The following TRPM3 variants were observed in gnomAD, a reference collection of about 807,000 sequenced individuals.
The protein encoded by TRPM3 is long transient receptor potential channel 3.
In TRPM3, 77 loss-of-function variants were observed where a neutral mutation model predicts 181.2. That is an observed-to-expected ratio of 0.42 (90% CI 0.35 to 0.51). TRPM3 has a LOEUF of 0.51. Ranked by LOEUF, TRPM3 falls within the 20% of genes least tolerant of loss-of-function variation. The pLI, the probability that TRPM3 is intolerant of heterozygous loss-of-function variation, is 0.01. For synonymous variants in TRPM3, 745 were observed against 796.4 expected, an observed-to-expected ratio of 0.94 and a Z score of 1.09; for missense variants, 1,759 against 2,196.7, an observed-to-expected ratio of 0.80 and a Z score of 3.98.
intron 1 of TRPM3, among the ~76,000 whole-genome samples, chr9:71,254,230 T>C (rs2082533667): frequency 6.6e-6 from 1 of 152,208 alleles, no homozygotes; most frequent in South Asian, 2.1e-4. Flanking sequence ...ATAACATTAT[T>C]TTAAGTGAGA....
At chr9:71,053,359 G>T (rs1368412429) in intron 1 of TRPM3, among the ~76,000 whole-genome samples, 1 of 152,036 alleles carries the variant, frequency 6.6e-6, no homozygotes, top group Non-Finnish European at 1.5e-5. Context: ...TGCCTCTTGT[G>T]TTATTTCAGC....
At chr9:70,944,310 A>G (rs115199855) in intron 1 of TRPM3, among the ~76,000 whole-genome samples, 3,265 of 152,198 alleles carry the variant, frequency 0.021, 115 homozygotes, top group African/African-American at 0.075. Flanking sequence ...ACAAGCTCCA[A>G]TGAGAAACAG....
chr9:71,317,629 AGAC>A (rs1001113554), intron 1 of TRPM3, among the ~76,000 whole-genome samples: 1 of 149,626 alleles, frequency 6.7e-6, no homozygotes, highest in African/African-American at 2.4e-5. Context: ...TGACAGAGCA[AGAC>A]CCTCTCTCAA....
chr9:71,322,231 G>A (rs2089291880), intron 1 of TRPM3, among the ~76,000 whole-genome samples: 1 of 152,014 alleles, frequency 6.6e-6, no homozygotes, highest in South Asian at 2.1e-4. Flanking sequence ...TTTAGCAGTG[G>A]TCTTAACTCC....
intron 9 of TRPM3, among the ~76,000 whole-genome samples, chr9:70,668,963 G>T (rs1461059584): frequency 6.6e-6 from 1 of 152,218 alleles, no homozygotes; most frequent in African/African-American, 2.4e-5. Context: ...CGGCAGTGAT[G>T]AGTTCCTCAC....
At chr9:70,761,917 T>C (rs1669748656) in intron 7 of TRPM3, among the ~76,000 whole-genome samples, 193 bp from the exon 8 acceptor site, 1 of 152,152 alleles carries the variant, frequency 6.6e-6, no homozygotes, top group Non-Finnish European at 1.5e-5. Flanking sequence ...TCAATTTTAC[T>C]CTCTCAGAAA....
intron 7 of TRPM3, among the ~76,000 whole-genome samples, chr9:70,762,263 G>C (rs2078280293): frequency 6.6e-6 from 1 of 152,206 alleles, no homozygotes; most frequent in South Asian, 2.1e-4. Flanking sequence ...TCTGGCCTAT[G>C]ATTTAGGTAT....
chr9:70,980,265 G>A (rs1241644935), intron 1 of TRPM3, among the ~76,000 whole-genome samples: 5 of 151,930 alleles, frequency 3.3e-5, no homozygotes, highest in Admixed American at 1.3e-4. Flanking sequence ...AGAGGAATTG[G>A]GATTTCCAGA....
At chr9:70,630,481 C>G (rs2065618937) in intron 12 of TRPM3, among the ~76,000 whole-genome samples, 2 of 152,206 alleles carry the variant, frequency 1.3e-5, no homozygotes, top group Admixed American at 1.3e-4. Context: ...GTGCTCAGTG[C>G]ATCCAGCTCC....
chr9:70,853,798 AAAGAT>A (rs1434755949), intron 3 of TRPM3, among the ~76,000 whole-genome samples: 1 of 152,230 alleles, frequency 6.6e-6, no homozygotes, highest in Admixed American at 6.5e-5. Context: ...CTTGAGAATA[AAAGAT>A]AAGATATAAA....
At chr9:71,027,023 C>T (rs1420923554) in intron 1 of TRPM3, among the ~76,000 whole-genome samples, 1 of 152,122 alleles carries the variant, frequency 6.6e-6, no homozygotes, top group Non-Finnish European at 1.5e-5. Context: ...ATGAATCCTG[C>T]TGCCACCACC....
chr9:71,189,461 G>C (rs1587855519), intron 1 of TRPM3, among the ~76,000 whole-genome samples: 1 of 151,914 alleles, frequency 6.6e-6, no homozygotes, highest in East Asian at 1.9e-4. Flanking sequence ...TGTCTGTATT[G>C]TTCATTTATT....
chr9:70,617,960 G>C (rs1239809864), intron 17 of TRPM3, among the ~76,000 whole-genome samples: 1 of 151,978 alleles, frequency 6.6e-6, no homozygotes, highest in Non-Finnish European at 1.5e-5. Context: ...GCAAGACCTT[G>C]TCTCAAAAAC....
chr9:71,116,591 C>T (rs2072438465), intron 1 of TRPM3, among the ~76,000 whole-genome samples: 1 of 152,130 alleles, frequency 6.6e-6, no homozygotes, highest in African/African-American at 2.4e-5. Flanking sequence ...AACATTAGCA[C>T]TTGGGCAGAA....
chr9:70,765,053 A>C (rs976788863), intron 7 of TRPM3, among the ~76,000 whole-genome samples: 4 of 152,330 alleles, frequency 2.6e-5, no homozygotes, highest in African/African-American at 7.2e-5. Context: ...CTATGAGGCA[A>C]GTGGGATTAA....
At chr9:71,252,594 G>C (rs560042324) in intron 1 of TRPM3, among the ~76,000 whole-genome samples, 1 of 152,284 alleles carries the variant, frequency 6.6e-6, no homozygotes, top group Non-Finnish European at 1.5e-5. Context: ...CATTCAGGGA[G>C]CTAAGAGGAG....
intron 12 of TRPM3, among the ~76,000 whole-genome samples, chr9:70,633,266 T>C (rs2066228889): frequency 6.6e-6 from 1 of 152,240 alleles, no homozygotes. Flanking sequence ...ACTATCTCTC[T>C]GAAGAAGACA....
intron 1 of TRPM3, among the ~76,000 whole-genome samples, chr9:71,439,182 CA>C (rs2094094931): frequency 6.6e-6 from 1 of 152,116 alleles, no homozygotes; most frequent in Non-Finnish European, 1.5e-5. Flanking sequence ...TTTTCTAAAG[CA>C]TTTTCAAAAC....
chr9:71,367,704 A>G (rs923975315), intron 1 of TRPM3, among the ~76,000 whole-genome samples: 1 of 152,150 alleles, frequency 6.6e-6, no homozygotes, highest in African/African-American at 2.4e-5. Context: ...ATTAAAGGCA[A>G]AAGTGCTCTG....
Sources: gnomAD v4.1 joint callset for allele counts (sites outside exome capture counted in the v4.1 genomes callset) on GRCh38, gnomAD v4.1.1 for gene constraint, MANE v1.5 for transcripts, NCBI Gene and HGNC (gene_info 2026-07-23, HGNC 2026-07-21) for gene names.